IL17REL: variants seen among roughly 807,000 people sequenced by gnomAD.
IL17REL encodes the protein interleukin-17 receptor E-like protein.
Under a neutral mutation model 49.0 loss-of-function variants are expected in IL17REL, and 36 were observed. The ratio of observed to expected loss-of-function variants is 0.73; its 90% CI spans 0.56 to 0.97. The LOEUF is 0.97. Ranked by LOEUF, IL17REL falls within the 50% of genes least tolerant of loss-of-function variation. IL17REL has a pLI of 0.00. For synonymous variants in IL17REL, 206 were observed against 192.4 expected, an observed-to-expected ratio of 1.07 and a Z score of -0.58; for missense variants, 470 against 453.9, an observed-to-expected ratio of 1.04 and a Z score of -0.32.
chr22:49,999,801 AC>A lies in IL17REL; in HGVS notation c.474+26del, dbSNP rs755417910. 5.4e-5 allele frequency: 80 copies of A among 1,476,402 alleles called. No individual in the cohort carries two copies. The East Asian group carries it at 2.2e-3, about 41-fold the overall frequency. 91.5% of individuals were successfully genotyped at this position (1,476,402 alleles called of 1,614,324 possible). A position where few individuals can be genotyped will look rare whatever the true frequency, so the allele number is the denominator to read the frequency against. On this transcript the variant is annotated intron_variant, in intron 5 of 12. Transcript: ENST00000341280. ...CGGAGGTGGGCGGGGCCTAAGGCTG[AC>A]CGGGGCCCGGGGCGCGGGCGCTCAC...
chr22:49,996,893 C>T (rs2061038252), intron 12 of IL17REL, 33 bp from the exon 15 acceptor site: 2 of 640,826 alleles, frequency 3.1e-6, no homozygotes, highest in Non-Finnish European at 5.4e-6. Context: ...TCAACATGGC[C>T]TCCTGCTTCC....
chr22:49,992,656 C>A (rs143536390), downstream of IL17REL, among the ~76,000 whole-genome samples: 145 of 152,260 alleles, frequency 9.5e-4, no homozygotes, highest in African/African-American at 3.3e-3. Flanking sequence ...CTCATTCAGT[C>A]ACCCAGGATG....
chr22:50,000,724 T>G, intron 3 of IL17REL, 30 bp downstream of exon 4: 1 of 1,558,172 alleles, frequency 6.4e-7, no homozygotes, highest in East Asian at 2.3e-5. Flanking sequence ...TCTTCGGGAC[T>G]TGGGTGGCAG....
At chr22:50,000,901 A>G in intron 2 of IL17REL, 38 bp from the exon 4 acceptor site, 2 of 1,458,392 alleles carry the variant, frequency 1.4e-6, no homozygotes, top group East Asian at 5.0e-5. Flanking sequence ...GCATCAGAGC[A>G]GGGCCGCCCC....
chr22:50,010,388 G>C (rs1251731552), upstream of IL17REL, among the ~76,000 whole-genome samples: 4 of 152,258 alleles, frequency 2.6e-5, no homozygotes. Flanking sequence ...GCAGGCGAGG[G>C]CAGCCCAGAC....
At position 49,997,786 on chromosome 22, in the gene IL17REL, A is replaced by G. The variant is rs202193496; in HGVS notation, c.820-44T>C. On this transcript the variant is annotated intron_variant, in intron 9 of 12. Transcript: ENST00000341280. ...GGTGCAGGAGGGTGGAGTGTGTGTG[A>G]GGCAGGGGCAGGGACAGGGGCAGGG... 475 of 1,587,564 alleles carry G rather than the reference A, an allele frequency of 3.0e-4. 2 individuals are homozygous for G. In the African/African-American group the frequency reaches 5.6e-3, roughly 19 times the overall value.
exon 13 of IL17REL, chr22:49,996,152 C>G (rs2061032981): frequency 6.6e-6 from 1 of 152,288 alleles, no homozygotes; most frequent in Non-Finnish European, 1.5e-5. Flanking sequence ...GGAGACATTC[C>G]AGAGACCCCT....
chr22:49,997,851 C>G, intron 9 of IL17REL, 109 bp from the exon 12 acceptor site: 1 of 1,385,722 alleles, frequency 7.2e-7, no homozygotes, highest in Non-Finnish European at 1.0e-6. Flanking sequence ...GCTCTGGGCC[C>G]AGTTCTCCTC....
Position 49,999,282 on chromosome 22 carries a change from G to C in IL17REL, c.601+9C>G. 2.5e-6 allele frequency: 4 copies of C among 1,612,980 alleles called. No individual in the cohort carries two copies. The highest frequency in any genetic ancestry group is 3.4e-6 in the Non-Finnish European group (4 of 1,180,000). Reference sequence around the variant, plus strand: ...ACCCTTCCGCCCGTTGGCATCGCAGGACACTTGCCGTTTTCAAAGGGGCAG... The same window carrying C: ...ACCCTTCCGCCCGTTGGCATCGCAGCACACTTGCCGTTTTCAAAGGGGCAG... On this transcript the variant is annotated intron_variant, in intron 7 of 12. Transcript: ENST00000341280.
chr22:50,000,782 G>T, exon 3 of IL17REL: 1 of 1,598,470 alleles, frequency 6.3e-7, no homozygotes, highest in Non-Finnish European at 8.5e-7. Flanking sequence ...CCGGTGGGAG[G>T]CCCTGGCCAC....
intron 4 of IL17REL, 109 bp downstream of exon 6, chr22:50,000,087 C>T (rs1454652497): frequency 2.6e-6 from 3 of 1,142,284 alleles, no homozygotes; most frequent in African/African-American, 3.2e-5. Context: ...GGGAGTCGCC[C>T]GCCCGAGGGC....
chr22:50,008,559 C>T (rs137864), intron 1 of IL17REL, 78 bp downstream of exon 2: 81,127 of 152,378 alleles, frequency 0.53, 21,971 homozygotes, highest in South Asian at 0.76. Context: ...CTGCCTCCCA[C>T]GGTGGACAAA....
chr22:49,996,576 G>C (rs1391073614), exon 13 of IL17REL: 1 of 157,774 alleles, frequency 6.3e-6, no homozygotes, highest in African/African-American at 2.4e-5. Flanking sequence ...GACCAGGGTG[G>C]GCGTGCGGGA....
At chr22:50,000,836 G>A in exon 3 of IL17REL, 1 of 1,593,916 alleles carries the variant, frequency 6.3e-7, no homozygotes, top group East Asian at 2.3e-5. Context: ...CAGGCTCATG[G>A]CACAGGCCTC....
At chr22:50,009,134 T>G (rs2061125142), upstream of IL17REL, 1 of 144,758 alleles carries the variant, frequency 6.9e-6, no homozygotes, top group African/African-American at 2.6e-5. Flanking sequence ...GTGTGGGGGG[T>G]GCAGGTTATA....
chr22:49,993,774 G>GCC (rs2061017831), downstream of IL17REL, among the ~76,000 whole-genome samples: 1 of 152,124 alleles, frequency 6.6e-6, no homozygotes, highest in African/African-American at 2.4e-5. This position sits in a 1 kb window ranked among gnomAD's most constrained non-coding sequence, Gnocchi z 6.0. Context: ...ATCCTCCCCA[G>GCC]CCCCACCTCC....
intron 1 of IL17REL, 104 bp from the exon 3 acceptor site, chr22:50,001,335 G>T: frequency 1.7e-6 from 1 of 601,012 alleles, no homozygotes; most frequent in Non-Finnish European, 3.0e-6. Flanking sequence ...TGCAGTCTTT[G>T]CCAGGGGGTC....
upstream of IL17REL, among the ~76,000 whole-genome samples, chr22:50,009,541 G>C (rs763079943): frequency 5.3e-5 from 8 of 152,160 alleles, 1 homozygote; most frequent in East Asian, 7.7e-4. Context: ...CGGCCACTGA[G>C]CCTGGGGTGT....
intron 5 of IL17REL, 22 bp downstream of exon 7, chr22:49,999,806 G>A: frequency 1.3e-6 from 2 of 1,485,250 alleles, no homozygotes; most frequent in African/African-American, 1.5e-5. Flanking sequence ...GGCTGACCGG[G>A]GCCCGGGGCG....
Sources: allele counts gnomAD v4.1 joint callset (sites outside exome capture counted in the v4.1 genomes callset), GRCh38; gene constraint gnomAD v4.1.1; non-coding constraint Gnocchi (gnomAD v3.1); transcripts MANE v1.5; gene names NCBI Gene and HGNC (gene_info 2026-07-23, HGNC 2026-07-21).